ZFP3: variants seen among roughly 807,000 people sequenced by gnomAD.
ZFP3 encodes zinc finger protein 3 homolog.
In ZFP3, 18 loss-of-function variants were observed where a neutral mutation model predicts 36.7. That is an observed-to-expected ratio of 0.49 (90% CI 0.34 to 0.73). The LOEUF (loss-of-function observed/expected upper bound fraction) is 0.73. Ranked by LOEUF, ZFP3 falls within the 30% of genes least tolerant of loss-of-function variation. The pLI is 0.01. For missense variants in ZFP3, 495 were observed against 599.0 expected, an observed-to-expected ratio of 0.83 and a Z score of 1.81; for synonymous variants, 218 against 199.0, an observed-to-expected ratio of 1.10 and a Z score of -0.81.
intron 1 of ZFP3, among the ~76,000 whole-genome samples, chr17:5,079,658 G>C (rs2072083152): frequency 6.6e-6 from 1 of 152,192 alleles, no homozygotes; most frequent in Admixed American, 6.5e-5. Flanking sequence ...GAAGAAAATA[G>C]GTATGAAAAA....
intron 1 of ZFP3, among the ~76,000 whole-genome samples, chr17:5,081,096 T>C (rs1323872765): frequency 3.3e-4 from 49 of 150,664 alleles, no homozygotes; most frequent in Admixed American, 2.0e-4. Context: ...TTCTGTTCTT[T>C]TTTTTTTTTT....
At position 5,089,075 on chromosome 17, in the gene ZFP3, C is replaced by T. The variant is rs574379153; in HGVS notation, c.-8-2422C>T. ...GCTTATTCTCCTGGCATTTGGACCCCTTGTCTGTGGTGGGGACAGCCAAAT... is the reference window on the plus strand; with the variant it reads ...GCTTATTCTCCTGGCATTTGGACCCTTTGTCTGTGGTGGGGACAGCCAAAT... On this transcript the variant is annotated intron_variant, in intron 1 of 1. Transcript: ENST00000318833. Among the ~76,000 whole-genome samples the T allele has an allele frequency of 4.6e-5, 7 of 152,322 alleles. No homozygotes were observed. The South Asian group carries it at 1.4e-3, about 32-fold the overall frequency.
chr17:5,091,555 A>C lies in ZFP3; in HGVS notation c.51A>C (p.Glu17Asp). The change falls in exon 2 of 2, where the codon GAA (glutamate) becomes GAC (aspartate). Residue 17 changes from glutamate to aspartate, a missense_variant. Transcript: ENST00000318833. The part of the protein sequence containing the change: ...EVIPKEEISE[E>D]SEPHGSLLEK... ...TTCCCAAGGAAGAAATTTCTGAAGA[A>C]TCTGAGCCACATGGGTCATTATTAG... 6.2e-7 allele frequency: 1 copy of C among 1,614,238 alleles called. No homozygotes were observed. Among genetic ancestry groups the C allele is most frequent in the Non-Finnish European group, 8.5e-7 (1 of 1,180,038 alleles).
intron 1 of ZFP3, among the ~76,000 whole-genome samples, chr17:5,082,408 C>G (rs1371129643): frequency 3.3e-5 from 5 of 152,108 alleles, no homozygotes; most frequent in African/African-American, 9.7e-5. Flanking sequence ...CTTAAGGTTA[C>G]CATGGTGCAT....
chr17:5,092,663 C>T lies in ZFP3; in HGVS notation c.1159C>T (p.His387Tyr). The change falls in exon 2 of 2, where the codon CAC becomes TAC. Residue 387 changes from histidine to tyrosine, a missense_variant. Physicochemically the swap from His to Tyr is moderately conservative, Grantham distance 83 (BLOSUM62 2). Transcript: ENST00000318833. This position sits in a 1 kb window ranked among gnomAD's most constrained non-coding sequence, Gnocchi z 5.0. The part of the protein sequence containing the change: ...NSELLRHERI[H>Y]TGEKPYECFE... ...AGAACTTCTTAGACATGAGAGAATT[C>T]ACACTGGAGAGAAACCCTATGAATG... The T allele has an allele frequency of 6.2e-7, 1 of 1,614,168 alleles. No homozygotes were observed. Among genetic ancestry groups the T allele is most frequent in the East Asian group, 2.2e-5 (1 of 44,882 alleles).
chr17:5,078,941 A>G lies in ZFP3; in HGVS notation c.-9+366A>G, dbSNP rs1235712811. On this transcript the variant is annotated intron_variant, in intron 1 of 1. Transcript: ENST00000318833. This position sits in a 1 kb window ranked among gnomAD's most constrained non-coding sequence, Gnocchi z 4.5. Reference sequence around the variant, plus strand: ...AGGACGAAATGGCGGGCAGTGTCACAAACTTAACGCCCTAGTGGCAGATTG... The same window carrying G: ...AGGACGAAATGGCGGGCAGTGTCACGAACTTAACGCCCTAGTGGCAGATTG... 6.6e-6 allele frequency among the ~76,000 whole-genome samples: 1 copy of G among 152,234 alleles called. No homozygotes were observed. The highest frequency in any genetic ancestry group is 1.5e-5 in the Non-Finnish European group (1 of 68,044).
intron 1 of ZFP3, among the ~76,000 whole-genome samples, chr17:5,080,119 T>C (rs559547626): frequency 6.6e-6 from 1 of 152,268 alleles, no homozygotes; most frequent in South Asian, 2.1e-4. Flanking sequence ...CTTGTTTTTC[T>C]GAGCTTTAGC....
intron 1 of ZFP3, among the ~76,000 whole-genome samples, chr17:5,089,770 C>A (rs974517782): frequency 1.1e-4 from 17 of 152,146 alleles, no homozygotes; most frequent in African/African-American, 3.9e-4. Flanking sequence ...ACCCTCCTAC[C>A]TCAGCCTCCC....
At position 5,092,282 on chromosome 17, in the gene ZFP3, A is replaced by G; in HGVS notation, c.778A>G (p.Lys260Glu). Residue 260 changes from lysine (K) to glutamate (E), a missense_variant, in exon 2 of 2, where the codon AAG (lysine) becomes GAG (glutamate). Around this residue, in one of 3 missense-constraint regions of ZFP3, gnomAD observed 103 missense variants for 186.8 expected, o/e 0.55. Transcript: ENST00000318833. This position sits in a 1 kb window ranked among gnomAD's most constrained non-coding sequence, Gnocchi z 5.0. ...ACCATATGAATGTAATGAATGTGGGAAGACCTTTAGGGTTAGTTCACAGCT... is the reference window on the plus strand; with the variant it reads ...ACCATATGAATGTAATGAATGTGGGGAGACCTTTAGGGTTAGTTCACAGCT... ...EKPYECNECG[K>E]TFRVSSQLIQ... The G allele has an allele frequency of 6.2e-7, 1 of 1,614,186 alleles. No homozygotes were observed. The highest frequency in any genetic ancestry group is 8.5e-7 in the Non-Finnish European group (1 of 1,180,038).
At position 5,093,467 on chromosome 17, in the gene ZFP3, G is replaced by T. The variant is rs2072161958; in HGVS notation, c.*454G>T. On this transcript the variant is annotated 3_prime_UTR_variant, in exon 2 of 2. Coordinates refer to ENST00000318833, the MANE Select transcript of ZFP3 (RefSeq NM_153018.3). Reference sequence around the variant, plus strand: ...GTGGATCACATAACAAACATTAAGGGTCTGTACCAGCCATCTTTCCTAAAT... The same window carrying T: ...GTGGATCACATAACAAACATTAAGGTTCTGTACCAGCCATCTTTCCTAAAT... 3.5e-5 allele frequency: 6 copies of T among 169,864 alleles called. No homozygotes were observed. In the South Asian group the frequency reaches 1.2e-3, roughly 34 times the overall value. 10.5% of individuals were successfully genotyped at this position (169,864 alleles called of 1,614,324 possible). A position where few individuals can be genotyped will look rare whatever the true frequency, so the allele number is the denominator to read the frequency against.
chr17:5,079,746 A>G (rs1225455029), intron 1 of ZFP3, among the ~76,000 whole-genome samples: 2 of 151,408 alleles, frequency 1.3e-5, no homozygotes, highest in East Asian at 3.9e-4. Context: ...AGGGAAGAAA[A>G]TGGAGGGGGT....
At position 5,093,040 on chromosome 17, in the gene ZFP3, G is replaced by C; in HGVS notation, c.*27G>C. The C allele has an allele frequency of 6.5e-7, 1 of 1,529,128 alleles. No individual in the cohort carries two copies. 94.7% of individuals were successfully genotyped at this position (1,529,128 alleles called of 1,614,324 possible). A position where few individuals can be genotyped will look rare whatever the true frequency, so the allele number is the denominator to read the frequency against. ...CTGCAAAATAGGAAAGCTTTTAGTG[G>C]AAAAGCTAAAGTCCAACTTATTCAT... On this transcript the variant is annotated 3_prime_UTR_variant, in exon 2 of 2. Coordinates refer to ENST00000318833, the MANE Select transcript of ZFP3 (RefSeq NM_153018.3).
At chr17:5,084,465 C>CG (rs2072110768) in intron 1 of ZFP3, among the ~76,000 whole-genome samples, 1 of 120,162 alleles carries the variant, frequency 8.3e-6, no homozygotes, top group African/African-American at 3.2e-5. Context: ...TTAGTAGAGA[C>CG]GGGGTTTCAC....
chr17:5,086,362 A>G (rs1232230127), intron 1 of ZFP3, among the ~76,000 whole-genome samples: 1 of 152,114 alleles, frequency 6.6e-6, no homozygotes, highest in African/African-American at 2.4e-5. Flanking sequence ...GGGGAGTCCA[A>G]AGTCGCCCCC....
At chr17:5,082,873 G>A (rs2072101534) in intron 1 of ZFP3, among the ~76,000 whole-genome samples, 1 of 152,174 alleles carries the variant, frequency 6.6e-6, no homozygotes, top group African/African-American at 2.4e-5. Context: ...GCCAGATTAT[G>A]CCGTAATGTT....
chr17:5,096,305 C>A lies in ZFP3; in HGVS notation c.*3292C>A, dbSNP rs190539929. ...AAGCTATGCCCATGTACAAAATTTT[C>A]TTCCTTCCCTAATTTTAATGGTATA... On this transcript the variant is annotated 3_prime_UTR_variant, in exon 2 of 2. Coordinates refer to ENST00000318833, the MANE Select transcript of ZFP3 (RefSeq NM_153018.3). 1.2e-5 allele frequency: 2 copies of A among 167,070 alleles called. No individual in the cohort carries two copies. Among genetic ancestry groups the A allele is most frequent in the Non-Finnish European group, 2.9e-5 (2 of 68,088 alleles). 10.3% of individuals were successfully genotyped at this position (167,070 alleles called of 1,614,324 possible).
chr17:5,090,048 T>C lies in ZFP3; in HGVS notation c.-8-1449T>C, dbSNP rs1261436967. 3.3e-5 allele frequency among the ~76,000 whole-genome samples: 5 copies of C among 152,222 alleles called. No homozygotes were observed. The East Asian group carries it at 9.6e-4, about 29-fold the overall frequency. The stretch of plus-strand genomic sequence containing the variant: ...AATTAATATGTAATGATCAACAGCA[T>C]TGCTATATATATAAGTAATAGCCAG... On this transcript the variant is annotated intron_variant, in intron 1 of 1. Transcript: ENST00000318833.
At chr17:5,087,114 TC>T (rs1471587421) in intron 1 of ZFP3, among the ~76,000 whole-genome samples, 1 of 135,254 alleles carries the variant, frequency 7.4e-6, no homozygotes, top group African/African-American at 2.9e-5. Context: ...AGAGTCTCAC[TC>T]TGTTGCCCAG....
chr17:5,081,093 C>CTTTTTTTTTTTT (rs71367880), intron 1 of ZFP3, among the ~76,000 whole-genome samples: 1 of 141,598 alleles, frequency 7.1e-6, no homozygotes, highest in Non-Finnish European at 1.5e-5. Flanking sequence ...TGTTTCTGTT[C>CTTTTTTTTTTTT]TTTTTTTTTT....
Sources: allele counts gnomAD v4.1 joint callset (sites outside exome capture counted in the v4.1 genomes callset), GRCh38; gene constraint gnomAD v4.1.1; regional missense constraint gnomAD v4.1.1; non-coding constraint Gnocchi (gnomAD v3.1); transcripts MANE v1.5; gene names NCBI Gene and HGNC (gene_info 2026-07-23, HGNC 2026-07-21).